The following ZMAT3 variants were observed in gnomAD, a reference collection of about 807,000 sequenced individuals.
ZMAT3 encodes the protein zinc finger matrin-type protein 3.
A neutral mutation model predicts 32.3 loss-of-function variants in ZMAT3; 17 were observed. The ratio of observed to expected loss-of-function variants is 0.53; its 90% CI spans 0.36 to 0.79. The LOEUF is 0.79. Among genes scored for constraint, ZMAT3 ranks in the 30% least tolerant of loss-of-function variants. ZMAT3 has a pLI of 0.00. For synonymous variants in ZMAT3, 120 were observed against 133.1 expected, an observed-to-expected ratio of 0.90 and a Z score of 0.68; for missense variants, 329 against 359.7, an observed-to-expected ratio of 0.91 and a Z score of 0.69.
At chr3:179,065,946 A>G (rs1721394436) in intron 2 of ZMAT3, among the ~76,000 whole-genome samples, 1 of 152,230 alleles carries the variant, frequency 6.6e-6, no homozygotes, top group Non-Finnish European at 1.5e-5. Context: ...ATATGTGTAT[A>G]GCATACAAGT....
intron 2 of ZMAT3, among the ~76,000 whole-genome samples, chr3:179,058,241 C>A (rs1720952652): frequency 6.6e-6 from 1 of 152,164 alleles, no homozygotes; most frequent in Non-Finnish European, 1.5e-5. Flanking sequence ...GTCAGACAAC[C>A]GTTTACTTAA....
rs926637944 is a variant in ZMAT3, at chr3:179,018,989, G to A, written c.*6028C>T. On this transcript the variant is annotated 3_prime_UTR_variant, in exon 6 of 6. Coordinates refer to ENST00000311417, the MANE Select transcript of ZMAT3 (RefSeq NM_022470.4). Reference sequence around the variant, plus strand: ...TTCTGGTAGAGCAGCTGAAAGTAGTGAAAGGAGAAGTGACAAGAGGGAGAA... The same window carrying A: ...TTCTGGTAGAGCAGCTGAAAGTAGTAAAAGGAGAAGTGACAAGAGGGAGAA... The A allele has an allele frequency of 6.6e-6, 1 of 152,082 alleles. No individual in the cohort carries two copies. The highest frequency in any genetic ancestry group is 2.4e-5 in the African/African-American group (1 of 41,402). The allele number at this position is 152,082 out of a possible 1,614,324, so 9.4% of individuals were successfully genotyped here.
At chr3:179,045,178 T>G (rs895797500) in intron 2 of ZMAT3, among the ~76,000 whole-genome samples, 1 of 152,036 alleles carries the variant, frequency 6.6e-6, no homozygotes, top group Non-Finnish European at 1.5e-5. Context: ...AGATTGAGAA[T>G]GCCCATGAAA....
chr3:179,068,774 C>A (rs964803555), intron 1 of ZMAT3, among the ~76,000 whole-genome samples: 2 of 152,208 alleles, frequency 1.3e-5, no homozygotes, highest in African/African-American at 4.8e-5. Context: ...CCACATACAG[C>A]CACAGATGTG....
At chr3:179,038,508 G>A (rs916075189) in intron 2 of ZMAT3, among the ~76,000 whole-genome samples, 1 of 152,322 alleles carries the variant, frequency 6.6e-6, no homozygotes, top group African/African-American at 2.4e-5. Flanking sequence ...AACCCAGAAG[G>A]TTGAGGTTGC....
In ZMAT3 at chr3:179,017,866, T is replaced by C. The variant is rs540154735; in HGVS notation, c.*7151A>G. 1.4e-4 allele frequency: 22 copies of C among 152,302 alleles called. No individual in the cohort carries two copies. Among genetic ancestry groups the C allele is most frequent in the African/African-American group, 4.3e-4 (18 of 41,574 alleles). 9.4% of individuals were successfully genotyped at this position (152,302 alleles called of 1,614,324 possible). A position where few individuals can be genotyped will look rare whatever the true frequency, so the allele number is the denominator to read the frequency against. On this transcript the variant is annotated 3_prime_UTR_variant, in exon 6 of 6. Coordinates refer to ENST00000311417, the MANE Select transcript of ZMAT3 (RefSeq NM_022470.4). ...GTCCCAGCAGATATATGGAATGCTT[T>C]AAAGCAGGATCTGACATACTCCAGT...
intron 2 of ZMAT3, among the ~76,000 whole-genome samples, chr3:179,032,236 G>C (rs576954769): frequency 1.6e-4 from 25 of 151,828 alleles, no homozygotes; most frequent in African/African-American, 6.0e-4. Context: ...GCTCCTGACC[G>C]CGAGTGATCT....
In ZMAT3 at chr3:179,057,755, T is replaced by A. The variant is rs1296470988; in HGVS notation, c.270+9728A>T. 2.6e-5 allele frequency among the ~76,000 whole-genome samples: 4 copies of A among 152,146 alleles called. No individual in the cohort carries two copies. In the East Asian group the frequency reaches 7.7e-4, roughly 29 times the overall value. ...TCCAGCCTATACTGGCTTATCCTCA[T>A]CCCAAAACCCTAAAGCAACTAATAG... is the stretch of plus-strand genomic sequence containing the variant. On this transcript the variant is annotated intron_variant, in intron 2 of 5. Transcript: ENST00000311417.
At chr3:179,057,589 A>T (rs1720913999) in intron 2 of ZMAT3, among the ~76,000 whole-genome samples, 1 of 152,186 alleles carries the variant, frequency 6.6e-6, no homozygotes, top group Non-Finnish European at 1.5e-5. Context: ...TTGTGCCATC[A>T]AGCCACCCAA....
intron 3 of ZMAT3, 52 bp downstream of exon 3, chr3:179,030,828 C>A: frequency 6.3e-7 from 1 of 1,576,042 alleles, no homozygotes; most frequent in Non-Finnish European, 8.6e-7. Context: ...ACCATTTGTG[C>A]ATATTACAGC....
chr3:179,071,023 C>G (rs764233432), intron 1 of ZMAT3, among the ~76,000 whole-genome samples: 3 of 151,838 alleles, frequency 2.0e-5, no homozygotes, highest in Non-Finnish European at 4.4e-5. Context: ...GGAAAGGCAG[C>G]GAGCATTACT....
intron 2 of ZMAT3, among the ~76,000 whole-genome samples, chr3:179,043,571 T>C (rs1391921344): frequency 1.3e-5 from 2 of 152,138 alleles, no homozygotes; most frequent in East Asian, 1.9e-4. Context: ...CAAAAATTAA[T>C]TCAAGATGGA....
chr3:179,036,808 C>T (rs1407657624), intron 2 of ZMAT3, among the ~76,000 whole-genome samples: 1 of 152,164 alleles, frequency 6.6e-6, no homozygotes, highest in African/African-American at 2.4e-5. Flanking sequence ...AACCCAACCT[C>T]ATGCCAAAGA....
intron 2 of ZMAT3, among the ~76,000 whole-genome samples, chr3:179,043,103 G>A (rs942893759): frequency 2.0e-5 from 3 of 152,202 alleles, no homozygotes; most frequent in African/African-American, 7.2e-5. Context: ...AACATTCCAT[G>A]CTCATGAACA....
At chr3:179,033,071 A>T (rs1446488418) in intron 2 of ZMAT3, among the ~76,000 whole-genome samples, 1 of 152,240 alleles carries the variant, frequency 6.6e-6, no homozygotes, top group African/African-American at 2.4e-5. Context: ...GAAAGGAAAG[A>T]GAGATCAGAT....
intron 3 of ZMAT3, among the ~76,000 whole-genome samples, chr3:179,028,203 G>A (rs1158785152): frequency 1.3e-5 from 2 of 152,158 alleles, no homozygotes; most frequent in Non-Finnish European, 1.5e-5. Context: ...CTTTATCAGG[G>A]TTGCTGTCTA....
chr3:179,052,416 A>G (rs1191908605), intron 2 of ZMAT3, among the ~76,000 whole-genome samples: 4 of 152,262 alleles, frequency 2.6e-5, no homozygotes, highest in African/African-American at 7.2e-5. Context: ...ACTAATTATC[A>G]GAGAAATGTA....
intron 3 of ZMAT3, among the ~76,000 whole-genome samples, chr3:179,029,597 G>A (rs762826228): frequency 1.3e-5 from 2 of 151,984 alleles, no homozygotes; most frequent in Non-Finnish European, 2.9e-5. Context: ...CCAAGTACCT[G>A]AGACTACAGG....
At position 179,067,669 on chromosome 3, in the gene ZMAT3, T is replaced by C; in HGVS notation, c.84A>G (p.Thr28=). The change falls in exon 2 of 6, where the codon ACA becomes ACG. Residue 28 remains threonine (T), a synonymous_variant. Coordinates refer to ENST00000311417, the MANE Select transcript of ZMAT3 (RefSeq NM_022470.4). The stretch of plus-strand genomic sequence containing the variant: ...TCTGTGGTGGAAGCTGCAAGGTTCC[T>C]GTAGACCTGGTGGCCACTGACATAG... ...SPPMSVATRS[T]GTLQLPPQKP... is the part of the protein sequence containing the mutation. The C allele has an allele frequency of 1.9e-6, 3 of 1,614,202 alleles. No homozygotes were observed. The highest frequency in any genetic ancestry group is 1.7e-6 in the Non-Finnish European group (2 of 1,180,034).
Sources: allele counts gnomAD v4.1 joint callset (sites outside exome capture counted in the v4.1 genomes callset), GRCh38; gene constraint gnomAD v4.1.1; transcripts MANE v1.5; gene names NCBI Gene and HGNC (gene_info 2026-07-23, HGNC 2026-07-21).